Variants in HSD17B12 observed in about 807,000 individuals in gnomAD.
HSD17B12 encodes very-long-chain 3-oxoacyl-CoA reductase.
Under a neutral mutation model 39.3 loss-of-function variants are expected in HSD17B12, and 32 were observed. The observed-to-expected ratio is 0.81, with a 90% CI of 0.61 to 1.09. The LOEUF (loss-of-function observed/expected upper bound fraction) is 1.09, where lower values mean the gene tolerates loss of function less well. Ranked by LOEUF, HSD17B12 falls within the 50% of genes least tolerant of loss-of-function variation. The probability of loss-of-function intolerance (pLI) is 0.00; values close to 1 mark genes in which losing one functional copy is unlikely to be tolerated. For synonymous variants in HSD17B12, 150 were observed against 146.7 expected, an observed-to-expected ratio of 1.02 and a Z score of -0.16; for missense variants, 342 against 382.9, an observed-to-expected ratio of 0.89 and a Z score of 0.89.
chr11:43,604,938 A>G, the HSD17B12 span, among the ~76,000 whole-genome samples: 46 of 152,314 alleles, frequency 3.0e-4, no homozygotes, highest in African/African-American at 1.0e-3. Flanking sequence ...TGTGAGTTTT[A>G]AGGCAGAGTG....
intron 1 of HSD17B12, among the ~76,000 whole-genome samples, chr11:43,721,765 G>C (rs1310614318): frequency 6.6e-6 from 1 of 152,172 alleles, no homozygotes; most frequent in East Asian, 1.9e-4. Context: ...ACGAGGTCAT[G>C]AAATATCCTG....
chr11:43,593,784 TTAAAA>T, the HSD17B12 span, among the ~76,000 whole-genome samples: 5 of 151,826 alleles, frequency 3.3e-5, no homozygotes, highest in African/African-American at 1.2e-4. Context: ...GGAAAAATAA[TTAAAA>T]TATAAAAAGA....
At chr11:43,769,137 A>G (rs1311464760) in intron 3 of HSD17B12, among the ~76,000 whole-genome samples, 2 of 152,074 alleles carry the variant, frequency 1.3e-5, no homozygotes, top group Non-Finnish European at 2.9e-5. Flanking sequence ...ACAGGGTTTC[A>G]CCATATTGGC....
the HSD17B12 span, among the ~76,000 whole-genome samples, chr11:43,631,024 C>T: frequency 3.3e-5 from 5 of 152,050 alleles, no homozygotes; most frequent in Non-Finnish European, 7.4e-5. Flanking sequence ...AGGCTGGTCT[C>T]GAACTCCTGA....
At chr11:43,705,129 A>G (rs1950001586) in intron 1 of HSD17B12, among the ~76,000 whole-genome samples, 1 of 152,246 alleles carries the variant, frequency 6.6e-6, no homozygotes, top group Non-Finnish European at 1.5e-5. Context: ...ATTCATTTGA[A>G]TACAGACATG....
At chr11:43,847,453 C>T (rs1468129512) in intron 9 of HSD17B12, among the ~76,000 whole-genome samples, 1 of 152,102 alleles carries the variant, frequency 6.6e-6, no homozygotes. Context: ...GCCTATAATC[C>T]CAGCATTTTG....
intron 7 of HSD17B12, among the ~76,000 whole-genome samples, chr11:43,835,863 A>C (rs181957636): frequency 8.1e-4 from 124 of 152,274 alleles, no homozygotes; most frequent in African/African-American, 2.9e-3. Flanking sequence ...AGGGAGGATG[A>C]CTGCATGAAT....
At chr11:43,694,923 C>T (rs6485446) in intron 1 of HSD17B12, among the ~76,000 whole-genome samples, 147,700 of 152,174 alleles carry the variant, frequency 0.97, 71,829 homozygotes, top group Middle Eastern at 1. Context: ...ACCTGTAACC[C>T]TAGCACTTTG....
chr11:43,698,558 G>A (rs1415915610), intron 1 of HSD17B12, among the ~76,000 whole-genome samples: 1 of 152,190 alleles, frequency 6.6e-6, no homozygotes, highest in East Asian at 1.9e-4. Context: ...ACGGGTACAG[G>A]ATTATCACAG....
intron 3 of HSD17B12, among the ~76,000 whole-genome samples, chr11:43,790,839 C>G (rs1364990066): frequency 6.6e-6 from 1 of 151,564 alleles, no homozygotes; most frequent in Non-Finnish European, 1.5e-5. Flanking sequence ...TAAAAAAATA[C>G]AAAAATTAAC....
intron 6 of HSD17B12, among the ~76,000 whole-genome samples, chr11:43,826,081 CTTTTTTT>C (rs71481435): frequency 1.3e-5 from 1 of 75,278 alleles, no homozygotes; most frequent in African/African-American, 4.3e-5. Context: ...CTTTTTTTTT[CTTTTTTT>C]TTTTTTTTTT....
chr11:43,587,971 A>G, the HSD17B12 span, among the ~76,000 whole-genome samples: 13 of 152,320 alleles, frequency 8.5e-5, no homozygotes, highest in East Asian at 2.3e-3. Context: ...GCTTTATAGC[A>G]GGTAGTTCTG....
intron 3 of HSD17B12, among the ~76,000 whole-genome samples, chr11:43,768,739 CCACAG>C (rs1392392426): frequency 1.3e-5 from 2 of 152,172 alleles, no homozygotes; most frequent in African/African-American, 4.8e-5. Context: ...AACAAACATT[CCACAG>C]CACAGAAGGA....
intron 1 of HSD17B12, among the ~76,000 whole-genome samples, chr11:43,735,565 A>C (rs1322816639): frequency 6.6e-6 from 1 of 152,124 alleles, no homozygotes; most frequent in Non-Finnish European, 1.5e-5. Context: ...ATGTCTATTC[A>C]AGTCCTTTGC....
the HSD17B12 span, among the ~76,000 whole-genome samples, chr11:43,672,464 G>T: frequency 6.6e-6 from 1 of 152,198 alleles, no homozygotes; most frequent in Non-Finnish European, 1.5e-5. Context: ...GGAAAAATGG[G>T]GGTGTTATTG....
intron 3 of HSD17B12, among the ~76,000 whole-genome samples, chr11:43,768,012 A>T (rs929935227): frequency 6.6e-6 from 1 of 152,256 alleles, no homozygotes; most frequent in African/African-American, 2.4e-5. Flanking sequence ...TGATGGATCA[A>T]TACTCTCATT....
chr11:43,718,608 C>G, intron 1 of HSD17B12: 3 of 585,630 alleles, frequency 5.1e-6, no homozygotes, highest in Non-Finnish European at 9.2e-6. Flanking sequence ...TGAAATTCAT[C>G]TGGGCACATG....
At chr11:43,595,672 T>C in the HSD17B12 span, among the ~76,000 whole-genome samples, 1 of 152,020 alleles carries the variant, frequency 6.6e-6, no homozygotes, top group Non-Finnish European at 1.5e-5. Context: ...CAAAAAAAAA[T>C]GGTAATCCCC....
At chr11:43,783,710 G>C (rs865812551) in intron 3 of HSD17B12, among the ~76,000 whole-genome samples, 18 of 151,894 alleles carry the variant, frequency 1.2e-4, no homozygotes, top group African/African-American at 4.1e-4. Flanking sequence ...TGAGAATGAT[G>C]GTTTCCAGCG....
Sources: gnomAD v4.1 joint callset for allele counts (sites outside exome capture counted in the v4.1 genomes callset) on GRCh38, gnomAD v4.1.1 for gene constraint, MANE v1.5 for transcripts, NCBI Gene and HGNC (gene_info 2026-07-23, HGNC 2026-07-21) for gene names.